IQSEC1: variants seen among roughly 807,000 people sequenced by gnomAD.
IQSEC1 encodes the protein IQ motif and SEC7 domain-containing protein 1.
A neutral mutation model predicts 91.0 loss-of-function variants in IQSEC1; 31 were observed. That is an observed-to-expected ratio of 0.34 (90% CI 0.26 to 0.46). The LOEUF is 0.46. Ranked by LOEUF, IQSEC1 falls within the 20% of genes least tolerant of loss-of-function variation. The probability of loss-of-function intolerance (pLI) is 1.00; values close to 1 mark genes in which losing one functional copy is unlikely to be tolerated. For missense variants in IQSEC1, 1,388 were observed against 1,575.6 expected (o/e 0.88, Z 2.02); for synonymous variants, 699 against 662.6 (o/e 1.05, Z -0.84).
At chr3:13,253,228 A>C (rs1371189382) in intron 1 of IQSEC1, among the ~76,000 whole-genome samples, 1 of 152,234 alleles carries the variant, frequency 6.6e-6, no homozygotes, top group Non-Finnish European at 1.5e-5. Flanking sequence ...TTATAGATTT[A>C]ACATTTCACT....
chr3:12,976,904 C>A lies in IQSEC1; in HGVS notation c.24-35039G>T, dbSNP rs1167617661. ...TTGTCTCAATCTCAGCAATTCCCTG[C>A]ACCCCACCCCTCTTTATACCATAGA... On this transcript the variant is annotated intron_variant, in intron 1 of 13. Transcript: ENST00000613206. Among the ~76,000 whole-genome samples the A allele has an allele frequency of 2.0e-5, 3 of 151,192 alleles. No individual in the cohort carries two copies. The East Asian group carries it at 5.9e-4, about 30-fold the overall frequency.
intron 1 of IQSEC1, among the ~76,000 whole-genome samples, chr3:12,985,651 G>A (rs539129033): frequency 3.2e-3 from 473 of 149,706 alleles, no homozygotes; most frequent in Middle Eastern, 6.8e-3. Flanking sequence ...TTTAAAGGAC[G>A]GGTGGCAGAG....
chr3:12,904,163 C>T lies in IQSEC1; in HGVS notation c.2756-1341G>A, dbSNP rs555581247. 7.2e-4 allele frequency among the ~76,000 whole-genome samples: 110 copies of T among 152,350 alleles called. 1 individual carries two copies. The highest frequency in any genetic ancestry group is 5.3e-4 in the African/African-American group (22 of 41,582). On this transcript the variant is annotated intron_variant, in intron 12 of 13. Coordinates refer to ENST00000613206, the MANE Select transcript of IQSEC1 (RefSeq NM_001134382.3). ...AAGTGCTGTGGGCTTCGAGCCTCCC[C>T]GTGCCATCTGAATGTGCTGGGCTGT...
At chr3:13,102,083 GC>G (rs145608810) in intron 2 of IQSEC1, among the ~76,000 whole-genome samples, 6,464 of 152,078 alleles carry the variant, frequency 0.043, 257 homozygotes, top group East Asian at 0.17. Context: ...TTTGAGACCA[GC>G]CTGGGCAATG....
chr3:13,223,389 G>A (rs895422034), intron 1 of IQSEC1, among the ~76,000 whole-genome samples: 31 of 152,180 alleles, frequency 2.0e-4, no homozygotes, highest in African/African-American at 7.0e-4. Flanking sequence ...CCAGAGATAG[G>A]AGCGCGCCAC....
chr3:12,908,965 A>G lies in IQSEC1; in HGVS notation c.2578+308T>C, dbSNP rs1461346975. Among the ~76,000 whole-genome samples the G allele has an allele frequency of 6.6e-6, 1 of 152,156 alleles. No individual in the cohort carries two copies. The highest frequency in any genetic ancestry group is 1.5e-5 in the Non-Finnish European group (1 of 68,018). On this transcript the variant is annotated intron_variant, in intron 11 of 13. Coordinates refer to ENST00000613206, the MANE Select transcript of IQSEC1 (RefSeq NM_001134382.3). The surrounding 1 kb of genome is among the most constrained non-coding windows in gnomAD (Gnocchi z 4.9). Reference sequence around the variant, plus strand: ...CATCAGTCGGTTGAGCCTGATGCAGAAGATGACGAGGTGCAGAGAGGCCAG... The same window carrying G: ...CATCAGTCGGTTGAGCCTGATGCAGGAGATGACGAGGTGCAGAGAGGCCAG...
chr3:13,224,468 G>A (rs141781400), intron 1 of IQSEC1, among the ~76,000 whole-genome samples: 2 of 152,210 alleles, frequency 1.3e-5, no homozygotes, highest in Non-Finnish European at 2.9e-5. Context: ...GAGAAGGGGC[G>A]CTGGGCAGAC....
intron 12 of IQSEC1, among the ~76,000 whole-genome samples, chr3:12,903,078 C>T (rs1438229957): frequency 6.6e-6 from 1 of 152,142 alleles, no homozygotes; most frequent in African/African-American, 2.4e-5. Flanking sequence ...TAAACCAGCC[C>T]CAATTTTGTA....
intron 1 of IQSEC1, among the ~76,000 whole-genome samples, chr3:13,004,122 T>C (rs1175131438): frequency 2.0e-5 from 3 of 152,188 alleles, no homozygotes; most frequent in Non-Finnish European, 4.4e-5. Flanking sequence ...AATAAATCTA[T>C]AGACCCTGAA....
chr3:12,986,591 C>T (rs1344201313), intron 1 of IQSEC1, among the ~76,000 whole-genome samples: 1 of 152,224 alleles, frequency 6.6e-6, no homozygotes, highest in African/African-American at 2.4e-5. Flanking sequence ...GCCTGGTGAA[C>T]CCGAGAGTGG....
intron 1 of IQSEC1, among the ~76,000 whole-genome samples, chr3:13,186,881 G>C (rs1472357111): frequency 6.6e-6 from 1 of 152,182 alleles, no homozygotes; most frequent in Non-Finnish European, 1.5e-5. Context: ...CACAGCCCAG[G>C]AGTAGAATCT....
intron 2 of IQSEC1, among the ~76,000 whole-genome samples, chr3:13,151,388 A>G (rs1706996843): frequency 6.6e-6 from 1 of 152,214 alleles, no homozygotes; most frequent in Non-Finnish European, 1.5e-5. Flanking sequence ...TTCAGGGACC[A>G]GCTGAAAATC....
intron 2 of IQSEC1, among the ~76,000 whole-genome samples, chr3:13,105,837 A>G (rs28407435): frequency 0.27 from 41,565 of 152,140 alleles, 6,069 homozygotes; most frequent in South Asian, 0.38. Context: ...GTGGCAAATC[A>G]GCCTCCACCC....
intron 2 of IQSEC1, among the ~76,000 whole-genome samples, chr3:13,139,645 A>T (rs1365953282): frequency 7.2e-5 from 11 of 152,202 alleles, no homozygotes; most frequent in Admixed American, 3.3e-4. Flanking sequence ...GAAAATTTTA[A>T]ATGACAGCTG....
chr3:13,084,686 G>T (rs777811315), intron 2 of IQSEC1, among the ~76,000 whole-genome samples: 47 of 152,200 alleles, frequency 3.1e-4, no homozygotes, highest in Admixed American at 1.8e-3. Flanking sequence ...GAGGACAGGG[G>T]AGATGGGCCC....
chr3:13,100,583 A>AT (rs1200484328), intron 2 of IQSEC1, among the ~76,000 whole-genome samples: 1 of 148,328 alleles, frequency 6.7e-6, no homozygotes, highest in Non-Finnish European at 1.5e-5. Flanking sequence ...AAGGTCACTG[A>AT]TTTTCAGGTC....
intron 2 of IQSEC1, among the ~76,000 whole-genome samples, chr3:13,135,099 C>A (rs1388788501): frequency 1.3e-5 from 2 of 152,116 alleles, no homozygotes; most frequent in African/African-American, 4.8e-5. Flanking sequence ...CAGATGACTT[C>A]CCCACTCTGA....
chr3:13,139,594 G>A (rs1706766091), intron 2 of IQSEC1, among the ~76,000 whole-genome samples: 1 of 152,250 alleles, frequency 6.6e-6, no homozygotes, highest in South Asian at 2.1e-4. Flanking sequence ...GTGACAGGGT[G>A]TTTGCGGTGA....
chr3:12,947,210 G>C (rs1699238170), intron 1 of IQSEC1, among the ~76,000 whole-genome samples: 1 of 152,208 alleles, frequency 6.6e-6, no homozygotes, highest in Admixed American at 6.5e-5. Context: ...GCAGAACTAT[G>C]ACTGCCAATA....
Sources: allele counts gnomAD v4.1 joint callset (sites outside exome capture counted in the v4.1 genomes callset), GRCh38; gene constraint gnomAD v4.1.1; non-coding constraint Gnocchi (gnomAD v3.1); transcripts MANE v1.5; gene names NCBI Gene and HGNC (gene_info 2026-07-23, HGNC 2026-07-21).